TNFAIP8: variants seen among roughly 807,000 people sequenced by gnomAD.
The protein encoded by TNFAIP8 is tumor necrosis factor alpha-induced protein 8.
TNFAIP8 carries 7 observed loss-of-function variants against 13.3 expected under a neutral mutation model. That is an observed-to-expected ratio of 0.52 (90% CI 0.30 to 0.99). The LOEUF (loss-of-function observed/expected upper bound fraction) is 0.99. Ranked by LOEUF, TNFAIP8 falls within the 50% of genes least tolerant of loss-of-function variation. The pLI is 0.07. For missense variants in TNFAIP8, 258 were observed against 236.9 expected (o/e 1.09, Z -0.58); for synonymous variants, 94 against 87.6 (o/e 1.07, Z -0.41).
At chr5:119,283,677 C>T (rs1748699303) in intron 1 of TNFAIP8, among the ~76,000 whole-genome samples, 1 of 152,066 alleles carries the variant, frequency 6.6e-6, no homozygotes, top group African/African-American at 2.4e-5. Context: ...CTTGTCAGTG[C>T]CCTGAAGTAA....
intron 1 of TNFAIP8, among the ~76,000 whole-genome samples, chr5:119,291,449 A>C (rs2150810966): frequency 6.6e-6 from 1 of 152,388 alleles, no homozygotes; most frequent in Middle Eastern, 3.4e-3. Flanking sequence ...GTTCAGAATC[A>C]GTTCTGCGTG....
intron 1 of TNFAIP8, among the ~76,000 whole-genome samples, chr5:119,388,814 G>C (rs6888436): frequency 6.8e-6 from 1 of 147,168 alleles, no homozygotes; most frequent in African/African-American, 2.5e-5. Context: ...TTTTTTTTTT[G>C]AGTTTTTTTT....
chr5:119,393,526 A>G lies in TNFAIP8; in HGVS notation c.*145A>G, dbSNP rs1752982721. The G allele has an allele frequency of 2.3e-6, 2 of 884,394 alleles. No individual in the cohort carries two copies. Among genetic ancestry groups the G allele is most frequent in the Admixed American group, 2.9e-5 (1 of 34,174 alleles). 54.8% of individuals were successfully genotyped at this position (884,394 alleles called of 1,614,324 possible). On this transcript the variant is annotated 3_prime_UTR_variant, in exon 2 of 2. Transcript: ENST00000504771. ...ATTCAGTTGTCAGACATAATGATTT[A>G]TTTGAAGGCTTGTTTTATTTGAAGA...
chr5:119,301,129 G>A (rs755908625), intron 1 of TNFAIP8, among the ~76,000 whole-genome samples: 2 of 152,176 alleles, frequency 1.3e-5, no homozygotes, highest in Non-Finnish European at 2.9e-5. Context: ...CCACCCAGTT[G>A]CATTACTTCT....
chr5:119,376,250 G>A (rs1370313902), intron 1 of TNFAIP8, among the ~76,000 whole-genome samples: 1 of 151,946 alleles, frequency 6.6e-6, no homozygotes, highest in Non-Finnish European at 1.5e-5. Context: ...GAGTAGCTAG[G>A]ATTACAGGCA....
chr5:119,270,565 C>G (rs1221001198), intron 1 of TNFAIP8, among the ~76,000 whole-genome samples: 1 of 152,204 alleles, frequency 6.6e-6, no homozygotes, highest in Non-Finnish European at 1.5e-5. Flanking sequence ...TGTTAATATT[C>G]TAGCTAGTAA....
chr5:119,349,407 TGCAAACAAAA>T (rs1459310523), intron 1 of TNFAIP8, among the ~76,000 whole-genome samples: 1 of 152,246 alleles, frequency 6.6e-6, no homozygotes, highest in East Asian at 1.9e-4. Flanking sequence ...TGTACAGATG[TGCAAACAAAA>T]GCACAGAGAG....
chr5:119,369,299 C>T (rs961413021), intron 1 of TNFAIP8, among the ~76,000 whole-genome samples: 1 of 152,186 alleles, frequency 6.6e-6, no homozygotes, highest in African/African-American at 2.4e-5. Context: ...AGTGATCCGC[C>T]TGCCTGGGCC....
At chr5:119,364,841 G>A (rs1306519085) in intron 1 of TNFAIP8, among the ~76,000 whole-genome samples, 7 of 88,698 alleles carry the variant, frequency 7.9e-5, no homozygotes, top group Non-Finnish European at 1.5e-4. Context: ...TTTCTTTTCA[G>A]TTTTTTTTTT....
At chr5:119,356,257 G>GT in intron 1 of TNFAIP8, 136 bp downstream of exon 1, 2 of 736,838 alleles carry the variant, frequency 2.7e-6, no homozygotes, top group East Asian at 6.7e-5. Context: ...TCGAAGCCAA[G>GT]TCGGAGCTGG....
chr5:119,343,814 C>T (rs780964341), intron 1 of TNFAIP8, among the ~76,000 whole-genome samples: 4 of 152,178 alleles, frequency 2.6e-5, no homozygotes, highest in Non-Finnish European at 5.9e-5. Flanking sequence ...GGGTAAAAAG[C>T]GGATATAACA....
intron 1 of TNFAIP8, among the ~76,000 whole-genome samples, chr5:119,347,419 A>C (rs1283092877): frequency 4.6e-5 from 7 of 152,340 alleles, no homozygotes; most frequent in African/African-American, 1.7e-4. Flanking sequence ...GTCTGTTGAA[A>C]CAGACTTCAG....
intron 1 of TNFAIP8, among the ~76,000 whole-genome samples, chr5:119,379,899 CCTT>C (rs1198564188): frequency 1.3e-5 from 2 of 152,158 alleles, no homozygotes; most frequent in African/African-American, 4.8e-5. Context: ...GGCCTGTGCT[CCTT>C]CTTTTTAGTT....
Position 119,356,052 on chromosome 5 carries a change from T to A in TNFAIP8, c.-39T>A. ...AACTTGCGGCTCGTCCGAGTACATG[T>A]GAGCGGTAATCGCCCCTGCAGCTGG... On this transcript the variant is annotated 5_prime_UTR_variant, in exon 1 of 2. The change abolishes the stop of an existing upstream ORF in the 5' untranslated region. Transcript: ENST00000504771. The A allele has an allele frequency of 5.1e-6, 8 of 1,558,758 alleles. No individual in the cohort carries two copies. The highest frequency in any genetic ancestry group is 1.4e-5 in the African/African-American group (1 of 73,208).
In TNFAIP8 at chr5:119,393,537, T is replaced by G; in HGVS notation, c.*156T>G. 1.2e-6 allele frequency: 1 copy of G among 845,688 alleles called. No homozygotes were observed. Among genetic ancestry groups the G allele is most frequent in the Non-Finnish European group, 1.8e-6 (1 of 566,680 alleles). The allele number at this position is 845,688 out of a possible 1,614,324, so 52.4% of individuals were successfully genotyped here. On this transcript the variant is annotated 3_prime_UTR_variant, in exon 2 of 2. Coordinates refer to ENST00000504771, the MANE Select transcript of TNFAIP8 (RefSeq NM_014350.4). The stretch of plus-strand genomic sequence containing the variant: ...AGACATAATGATTTATTTGAAGGCT[T>G]GTTTTATTTGAAGAAAAGCATATTG...
At chr5:119,323,159 C>T (rs1750115121) in intron 1 of TNFAIP8, among the ~76,000 whole-genome samples, 1 of 152,180 alleles carries the variant, frequency 6.6e-6, no homozygotes, top group African/African-American at 2.4e-5. Flanking sequence ...ACTTAAAGGG[C>T]AGTTGCACCC....
intron 1 of TNFAIP8, among the ~76,000 whole-genome samples, chr5:119,295,187 G>C (rs961502190): frequency 3.0e-4 from 7 of 23,668 alleles, no homozygotes; most frequent in Non-Finnish European, 4.8e-4. Context: ...CTAACGTTTA[G>C]TCTAACGTTA....
chr5:119,372,270 G>T (rs533299798), intron 1 of TNFAIP8, among the ~76,000 whole-genome samples: 26 of 147,932 alleles, frequency 1.8e-4, no homozygotes, highest in African/African-American at 5.2e-4. Context: ...GTTGTGGTGA[G>T]CAGAGATCGT....
chr5:119,309,375 T>G (rs915227756), intron 1 of TNFAIP8, among the ~76,000 whole-genome samples: 3 of 152,216 alleles, frequency 2.0e-5, no homozygotes, highest in Non-Finnish European at 4.4e-5. Context: ...TGTTCCTGAC[T>G]AGATTTCAAT....
Sources: gnomAD v4.1 joint callset for allele counts (sites outside exome capture counted in the v4.1 genomes callset) on GRCh38, gnomAD v4.1.1 for gene constraint, MANE v1.5 for transcripts, NCBI Gene and HGNC (gene_info 2026-07-23, HGNC 2026-07-21) for gene names.